GLS2: variants seen among roughly 807,000 people sequenced by gnomAD.
GLS2 encodes glutaminase 2.
GLS2 carries 52 observed loss-of-function variants against 79.0 expected under a neutral mutation model. The observed-to-expected ratio is 0.66, with a 90% CI of 0.53 to 0.83. The LOEUF is 0.83. Ranked by LOEUF, GLS2 falls within the 40% of genes least tolerant of loss-of-function variation. The pLI is 0.00. For synonymous variants in GLS2, 238 were observed against 280.8 expected (o/e 0.85, Z 1.52); for missense variants, 561 against 764.8 (o/e 0.73, Z 3.14).
At chr12:56,483,017 C>T (rs565354069) in intron 1 of GLS2, among the ~76,000 whole-genome samples, 2 of 152,164 alleles carry the variant, frequency 1.3e-5, no homozygotes, top group South Asian at 4.1e-4. Flanking sequence ...TATACTCACA[C>T]ACCTCAAAAA....
At chr12:56,473,080 C>A in intron 14 of GLS2, 148 bp downstream of exon 14, 2 of 711,802 alleles carry the variant, frequency 2.8e-6, no homozygotes, top group South Asian at 3.7e-5. Context: ...CAATAGAGAC[C>A]AGGTTTCACC....
chr12:56,478,581 G>A (rs755895272), intron 4 of GLS2: 15 of 333,576 alleles, frequency 4.5e-5, no homozygotes, highest in Non-Finnish European at 8.4e-5. Flanking sequence ...ATTCGATCTT[G>A]ATTCCCTCAC....
chr12:56,478,086 C>T lies in GLS2; in HGVS notation c.625G>A (p.Gly209Ser). 2 of 1,613,970 alleles carry T rather than the reference C, an allele frequency of 1.2e-6. No homozygotes were observed. The highest frequency in any genetic ancestry group is 1.7e-6 in the Non-Finnish European group (2 of 1,179,904). Residue 209 changes from glycine to serine, a missense_variant, in exon 6 of 18, where the codon GGC becomes AGC. By Grantham distance (56) the Gly-to-Ser change is moderately conservative. This residue lies in a region of GLS2 where 221 missense variants were observed against 275.6 expected (regional missense o/e 0.80). Transcript: ENST00000311966. The part of the protein sequence containing the change: ...CTVDGQRHSV[G>S]HTKIPFCLQS... ...AGGCAGAAGGGGATCTTTGTGTGGC[C>T]CACAGAGTGCCTGGAGGCAGACAGA...
Position 56,479,864 on chromosome 12 carries a change from C to A in GLS2, c.320G>T (p.Arg107Leu). The change falls in exon 3 of 18, where the codon CGG becomes CTG. Residue 107 changes from arginine (R) to leucine (L), a missense_variant. Transcript: ENST00000311966. The stretch of plus-strand genomic sequence containing the variant: ...CATCTCGCTCATGCAGTCTCGGAGC[C>A]GAGGATCTGATGTCTGCAGTCCAGT... The part of the protein sequence containing the change: ...KATGLQTSDP[R>L]LRDCMSEMHR... 1 of 1,612,896 alleles carries A rather than the reference C, an allele frequency of 6.2e-7. No individual in the cohort carries two copies. The highest frequency in any genetic ancestry group is 1.1e-5 in the South Asian group (1 of 91,014).
chr12:56,480,702 CTT>C (rs1870211266), intron 1 of GLS2, among the ~76,000 whole-genome samples: 3 of 152,308 alleles, frequency 2.0e-5, no homozygotes, highest in South Asian at 4.1e-4. Flanking sequence ...TTCTTCTCCT[CTT>C]GTTTCCCACC....
In GLS2 at chr12:56,474,952, G is replaced by A. The variant is rs897870711; in HGVS notation, c.997-56C>T. On this transcript the variant is annotated intron_variant, in intron 10 of 17. Coordinates refer to ENST00000311966, the MANE Select transcript of GLS2 (RefSeq NM_013267.4). ...TTCAGGACATCAGCCCTTTCACACT[G>A]TCAGGGTCTCAGCTGAAGCCCCCAA... 5 of 1,613,618 alleles carry A rather than the reference G, an allele frequency of 3.1e-6. No individual in the cohort carries two copies. The Middle Eastern group carries it at 6.7e-4, about 216-fold the overall frequency.
intron 11 of GLS2, 28 bp from the exon 12 acceptor site, chr12:56,474,748 G>C: frequency 6.2e-7 from 1 of 1,609,920 alleles, no homozygotes; most frequent in Non-Finnish European, 8.5e-7. Flanking sequence ...AGGTGAAGAT[G>C]TGACGTGAAC....
intron 1 of GLS2, 26 bp downstream of exon 1, chr12:56,487,911 C>T: frequency 3.8e-6 from 6 of 1,597,432 alleles, no homozygotes; most frequent in Non-Finnish European, 5.1e-6. Flanking sequence ...GCAAGCCCGT[C>T]CCCTGCCCTG....
intron 1 of GLS2, among the ~76,000 whole-genome samples, chr12:56,484,330 G>A (rs761246777): frequency 5.9e-5 from 9 of 152,088 alleles, no homozygotes; most frequent in Non-Finnish European, 1.2e-4. Context: ...GATGACATAG[G>A]TGCCAGGAAA....
intron 1 of GLS2, among the ~76,000 whole-genome samples, chr12:56,483,228 G>A (rs1482808799): frequency 4.6e-5 from 7 of 150,832 alleles, no homozygotes; most frequent in South Asian, 2.1e-4. Flanking sequence ...TTACAGGCAC[G>A]TGCCACCACG....
intron 9 of GLS2, 33 bp downstream of exon 9, chr12:56,475,591 T>C (rs1051868071): frequency 8.7e-6 from 14 of 1,605,880 alleles, no homozygotes; most frequent in Admixed American, 1.7e-5. Context: ...TACACCACAA[T>C]GCTTTCAGTC....
chr12:56,478,986 G>GAAAAAA, intron 4 of GLS2, 66 bp downstream of exon 4: 2 of 1,354,524 alleles, frequency 1.5e-6, no homozygotes, highest in Non-Finnish European at 9.7e-7. Context: ...TCTGTCTCAG[G>GAAAAAA]AAAAAAAAAA....
In GLS2 at chr12:56,470,962, A is replaced by G. The variant is rs539412803; in HGVS notation, c.*525T>C. On this transcript the variant is annotated 3_prime_UTR_variant, in exon 18 of 18. Transcript: ENST00000311966. ...TGGGTTTAGCAAAAATGATTTGGTA[A>G]TTAAAGTTTATTTGAACACAAAATA... 1 of 164,956 alleles carries G rather than the reference A, an allele frequency of 6.1e-6. No homozygotes were observed. Among genetic ancestry groups the G allele is most frequent in the South Asian group, 2.0e-4 (1 of 4,962 alleles). The allele number at this position is 164,956 out of a possible 1,614,324, so 10.2% of individuals were successfully genotyped here.
chr12:56,479,628 TTATGA>T (rs1480739097), intron 3 of GLS2, 147 bp downstream of exon 3: 5 of 907,950 alleles, frequency 5.5e-6, no homozygotes, highest in Non-Finnish European at 7.8e-6. Flanking sequence ...GTTTGAACTC[TTATGA>T]TGAGTATTCA....
chr12:56,477,174 G>A (rs1388234074), intron 7 of GLS2: 1 of 152,632 alleles, frequency 6.6e-6, no homozygotes. Flanking sequence ...TCTTGCTCAA[G>A]CCCTGGGAGA....
chr12:56,471,519 G>A lies in GLS2; in HGVS notation c.1777C>T (p.Leu593=), dbSNP rs889475036. The change falls in exon 18 of 18, where the codon CTG becomes TTG. Residue 593 remains leucine, a synonymous_variant. Transcript: ENST00000311966. ...ATGCTTTCTAAGTTCTCTTTGGACA[G>A]GGCCTCAGCTGCTGCCTCAGCCTGA... The part of the protein sequence containing the change: ...ETQAEAAAEA[L]SKENLESMV 6.2e-7 allele frequency: 1 copy of A among 1,613,900 alleles called. No homozygotes were observed. Among genetic ancestry groups the A allele is most frequent in the African/African-American group, 1.3e-5 (1 of 74,896 alleles).
intron 1 of GLS2, among the ~76,000 whole-genome samples, chr12:56,484,257 G>GA (rs1332494954): frequency 6.6e-6 from 1 of 152,118 alleles, no homozygotes; most frequent in African/African-American, 2.4e-5. Context: ...GCAACAGAGC[G>GA]AGACTCCATC....
Position 56,475,068 on chromosome 12 carries a change from G to C in GLS2, c.972C>G (p.Ile324Met), listed in dbSNP as rs559073025. 1 of 1,614,086 alleles carries C rather than the reference G, an allele frequency of 6.2e-7. No individual in the cohort carries two copies. The highest frequency in any genetic ancestry group is 8.5e-7 in the Non-Finnish European group (1 of 1,180,034). ...EKETGDRNYA[I>M]GYYLKEKKCF... is the part of the protein sequence containing the mutation. ...CCTTCTTTTCCTTGAGATAATAGCC[G>C]ATGGCATAATTCCGATCCCCTGTTT... Residue 324 changes from isoleucine (I) to methionine (M), a missense_variant, in exon 10 of 18, where the codon ATC (isoleucine) becomes ATG (methionine). Ile to Met is a conservative substitution (Grantham distance 10). Around this residue, in one of 4 missense-constraint regions of GLS2, gnomAD observed 221 missense variants for 275.6 expected, o/e 0.80. Transcript: ENST00000311966.
intron 7 of GLS2, 157 bp from the exon 8 acceptor site, chr12:56,476,134 C>A: frequency 3.0e-6 from 2 of 656,482 alleles, no homozygotes; most frequent in Non-Finnish European, 5.3e-6. Flanking sequence ...CTGAAAACAC[C>A]GCACTTCCAT....
Sources: allele counts gnomAD v4.1 joint callset (sites outside exome capture counted in the v4.1 genomes callset), GRCh38; gene constraint gnomAD v4.1.1; regional missense constraint gnomAD v4.1.1; transcripts MANE v1.5; gene names NCBI Gene and HGNC (gene_info 2026-07-23, HGNC 2026-07-21).